Variants in SLC25A27 observed in about 807,000 individuals in gnomAD.
The protein encoded by SLC25A27 is mitochondrial uncoupling protein 4.
In SLC25A27, 35 loss-of-function variants were observed where a neutral mutation model predicts 49.1. That is an observed-to-expected ratio of 0.71 (90% confidence interval 0.54 to 0.95). SLC25A27 has a LOEUF of 0.95. Among genes scored for constraint, SLC25A27 ranks in the 40% least tolerant of loss-of-function variants. The probability of loss-of-function intolerance (pLI) is 0.00; values close to 1 mark genes in which losing one functional copy is unlikely to be tolerated. For missense variants in SLC25A27, 339 were observed against 397.1 expected (o/e 0.85, Z 1.24); for synonymous variants, 144 against 136.9 (o/e 1.05, Z -0.36).
intron 1 of SLC25A27, 152 bp from the exon 2 acceptor site, chr6:46,655,691 A>G: frequency 1.5e-6 from 1 of 662,520 alleles, no homozygotes; most frequent in Non-Finnish European, 2.5e-6. Flanking sequence ...GGGCTAGGAA[A>G]TTTCTAATTT....
intron 7 of SLC25A27, 34 bp from the exon 8 acceptor site, chr6:46,671,070 TACATATATATTTTTTTACACAG>T: frequency 8.6e-7 from 1 of 1,166,600 alleles, no homozygotes; most frequent in Non-Finnish European, 1.2e-6. Context: ...AATTTTTATG[TACATATATATTTTTTTACACAG>T]AAAAAAATTA....
intron 3 of SLC25A27, among the ~76,000 whole-genome samples, chr6:46,660,496 A>C (rs1358388800): frequency 6.6e-6 from 1 of 152,188 alleles, no homozygotes; most frequent in Non-Finnish European, 1.5e-5. Context: ...AATCATTTAT[A>C]AATGCTTCTA....
chr6:46,653,845 A>G (rs1762864943), intron 1 of SLC25A27: 1 of 985,246 alleles, frequency 1.0e-6, no homozygotes, highest in African/African-American at 1.7e-5. Flanking sequence ...ATGATTGCTA[A>G]ACCCAAGGCA....
chr6:46,663,497 G>C (rs2150642313), intron 4 of SLC25A27, among the ~76,000 whole-genome samples: 1 of 152,244 alleles, frequency 6.6e-6, no homozygotes, highest in Middle Eastern at 3.4e-3. Context: ...TAGAACCCCA[G>C]GGCCCAGTTT....
chr6:46,654,452 A>G lies in SLC25A27; in HGVS notation c.106+1154A>G, dbSNP rs534824934. Among the ~76,000 whole-genome samples, 6 of 152,362 alleles carry G rather than the reference A, an allele frequency of 3.9e-5. No individual in the cohort carries two copies. The South Asian group carries it at 1.0e-3, about 26-fold the overall frequency. On this transcript the variant is annotated intron_variant, in intron 1 of 8. Transcript: ENST00000371347. ...AAAATTCATCAGCTTAAAAAGATCT[A>G]AAAGCAGATTGCTGAATGATATTTC...
At chr6:46,663,342 T>C (rs554511621) in intron 4 of SLC25A27, among the ~76,000 whole-genome samples, 1 of 152,290 alleles carries the variant, frequency 6.6e-6, no homozygotes, top group Non-Finnish European at 1.5e-5. Context: ...TGACCACTGC[T>C]GTCTGCCCCT....
chr6:46,664,356 G>A (rs1763258167), intron 4 of SLC25A27, among the ~76,000 whole-genome samples: 1 of 152,014 alleles, frequency 6.6e-6, no homozygotes, highest in African/African-American at 2.4e-5. Flanking sequence ...GAGATTAATT[G>A]TTGTTAATGT....
At chr6:46,671,326 C>T in intron 8 of SLC25A27, 98 bp downstream of exon 8, 1 of 602,882 alleles carries the variant, frequency 1.7e-6, no homozygotes, top group Non-Finnish European at 2.8e-6. Flanking sequence ...TGAAGCATGG[C>T]CCTGCCCCCC....
At chr6:46,657,088 TC>T (rs1020512800) in intron 2 of SLC25A27, among the ~76,000 whole-genome samples, 1 of 152,098 alleles carries the variant, frequency 6.6e-6, no homozygotes, top group Non-Finnish European at 1.5e-5. Flanking sequence ...ACAGCTTGAA[TC>T]CAGGAATTCA....
chr6:46,662,591 G>A (rs1490160762), intron 4 of SLC25A27, 93 bp downstream of exon 4: 1 of 1,327,698 alleles, frequency 7.5e-7, no homozygotes, highest in Non-Finnish European at 1.1e-6. Context: ...CCAGTATGCA[G>A]TAAAGATATT....
At chr6:46,658,433 C>A (rs1169512755) in intron 2 of SLC25A27, 1 of 399,858 alleles carries the variant, frequency 2.5e-6, no homozygotes, top group Admixed American at 3.2e-5. Flanking sequence ...AGCTAAGATT[C>A]ATTTCATACG....
intron 4 of SLC25A27, among the ~76,000 whole-genome samples, chr6:46,662,803 G>A (rs926713542): frequency 1.3e-5 from 2 of 152,168 alleles, no homozygotes; most frequent in Non-Finnish European, 2.9e-5. Context: ...GCCCTGGTGT[G>A]AATCTCAATT....
At chr6:46,671,940 CAA>C (rs1419570085) in intron 8 of SLC25A27, among the ~76,000 whole-genome samples, 1 of 151,394 alleles carries the variant, frequency 6.6e-6, no homozygotes, top group African/African-American at 2.4e-5. Context: ...AAAATTAACA[CAA>C]TATATTATAA....
chr6:46,653,302 C>T lies in SLC25A27; in HGVS notation c.106+4C>T. The T allele has an allele frequency of 6.2e-7, 1 of 1,610,456 alleles. No individual in the cohort carries two copies. The highest frequency in any genetic ancestry group is 8.5e-7 in the Non-Finnish European group (1 of 1,178,716). On this transcript the variant is annotated splice_donor_region_variant and intron_variant, in intron 1 of 8. Transcript: ENST00000371347. ...GCGGCTACCGTGGCCGAGCTAGGTACCCGGCTGCCCACGCCTGGGCCTCCC... is the reference window on the plus strand; with the variant it reads ...GCGGCTACCGTGGCCGAGCTAGGTATCCGGCTGCCCACGCCTGGGCCTCCC...
At chr6:46,657,225 G>A (rs1038475108) in intron 2 of SLC25A27, among the ~76,000 whole-genome samples, 1 of 152,100 alleles carries the variant, frequency 6.6e-6, no homozygotes, top group African/African-American at 2.4e-5. Flanking sequence ...CACTTTGGGA[G>A]GCACAGGTGG....
intron 7 of SLC25A27, among the ~76,000 whole-genome samples, chr6:46,670,803 C>T (rs1260676583): frequency 6.6e-6 from 1 of 152,030 alleles, no homozygotes; most frequent in Admixed American, 6.5e-5. Context: ...GTGGCGTGAT[C>T]TCCCGCTCAC....
At chr6:46,671,348 C>G in intron 8 of SLC25A27, 120 bp downstream of exon 8, 1 of 508,328 alleles carries the variant, frequency 2.0e-6, no homozygotes, top group Non-Finnish European at 3.4e-6. Flanking sequence ...AATCAAGGTC[C>G]TTTCTTTCTT....
At chr6:46,654,339 A>T (rs1044328621) in intron 1 of SLC25A27, among the ~76,000 whole-genome samples, 6 of 152,128 alleles carry the variant, frequency 3.9e-5, no homozygotes, top group African/African-American at 1.4e-4. Context: ...GTGCTCTTCC[A>T]TTTTTGCCTT....
At chr6:46,668,817 CTGT>C in intron 6 of SLC25A27, 24 bp downstream of exon 6, 3 of 1,305,992 alleles carry the variant, frequency 2.3e-6, no homozygotes, top group Non-Finnish European at 3.3e-6. Context: ...TAGTTGGACT[CTGT>C]TTTTTTTTTT....
Sources: gnomAD v4.1 joint callset for allele counts (sites outside exome capture counted in the v4.1 genomes callset) on GRCh38, gnomAD v4.1.1 for gene constraint, MANE v1.5 for transcripts, NCBI Gene and HGNC (gene_info 2026-07-23, HGNC 2026-07-21) for gene names.